The following MRTFB variants were observed in gnomAD, a reference collection of about 807,000 sequenced individuals.
MRTFB encodes the protein myocardin-related transcription factor B.
In MRTFB, 29 loss-of-function variants were observed where a neutral mutation model predicts 104.2. The ratio of observed to expected loss-of-function variants is 0.28; its 90% CI spans 0.21 to 0.38. The LOEUF (loss-of-function observed/expected upper bound fraction) is 0.38, where lower values mean the gene tolerates loss of function less well. MRTFB is among the 10% of genes least tolerant of loss of function. The probability of loss-of-function intolerance (pLI) is 1.00; values close to 1 mark genes in which losing one functional copy is unlikely to be tolerated. For missense variants in MRTFB, 1,270 were observed against 1,341.6 expected, an observed-to-expected ratio of 0.95 and a Z score of 0.83; for synonymous variants, 535 against 519.5, an observed-to-expected ratio of 1.03 and a Z score of -0.41.
chr16:14,127,921 ATATATATATTTTTTTTTTTT>A (rs1233101970), intron 2 of MRTFB, among the ~76,000 whole-genome samples: 1,068 of 39,860 alleles, frequency 0.027, 21 homozygotes, highest in African/African-American at 0.22. Flanking sequence ...ATATATATAT[ATATATATATTTTTTTTTTTT>A]TTTTTTTTTT....
chr16:14,015,903 T>G, the MRTFB span: 1 of 398,650 alleles, frequency 2.5e-6, no homozygotes, highest in South Asian at 1.3e-4. Flanking sequence ...TGCTTTTCTC[T>G]CCGGGTCTCC....
At chr16:14,016,078 CTGTT>C in the MRTFB span, 1 of 398,100 alleles carries the variant, frequency 2.5e-6, no homozygotes. Context: ...ACCCACTGCT[CTGTT>C]TGTAAGCTGG....
At chr16:14,219,025 A>G in intron 8 of MRTFB, 27 bp downstream of exon 8, 3 of 1,548,822 alleles carry the variant, frequency 1.9e-6, no homozygotes, top group African/African-American at 1.4e-5. Flanking sequence ...TTTGACCCCT[A>G]AAGAAAGAAA....
chr16:14,241,334 G>T (rs1005245817), intron 10 of MRTFB: 2 of 152,336 alleles, frequency 1.3e-5, no homozygotes, highest in Non-Finnish European at 2.9e-5. Flanking sequence ...TGTGGGGGAC[G>T]GAAGGGAGTG....
the MRTFB span, among the ~76,000 whole-genome samples, chr16:14,025,243 C>A: frequency 1.3e-5 from 2 of 152,180 alleles, no homozygotes; most frequent in African/African-American, 4.8e-5. Flanking sequence ...TGCCGTGGTG[C>A]AATCATGGCT....
the MRTFB span, among the ~76,000 whole-genome samples, chr16:14,013,706 C>T: frequency 6.6e-6 from 1 of 152,124 alleles, no homozygotes; most frequent in Non-Finnish European, 1.5e-5. Flanking sequence ...ACTATTAATA[C>T]AACATCTGCT....
intron 2 of MRTFB, among the ~76,000 whole-genome samples, chr16:14,095,780 A>G (rs947390079): frequency 2.6e-4 from 39 of 152,242 alleles, no homozygotes; most frequent in African/African-American, 8.7e-4. Context: ...CAAAAAAGAG[A>G]AGGTAAAATG....
At position 14,078,797 on chromosome 16, in the gene MRTFB, T is replaced by C. The variant is rs562943876; in HGVS notation, c.-128-493T>C. On this transcript the variant is annotated intron_variant, in intron 1 of 16. Transcript: ENST00000571589. ...GAGATGGTGAAAGGCAGATTTATTA[T>C]TATATAATAACATTATAATAAAATA... 5.7e-4 allele frequency among the ~76,000 whole-genome samples: 84 copies of C among 147,218 alleles called. No homozygotes were observed. In the South Asian group the frequency reaches 0.015, roughly 26 times the overall value.
intron 2 of MRTFB, among the ~76,000 whole-genome samples, chr16:14,101,127 GT>G (rs199837576): frequency 0.18 from 21,811 of 122,834 alleles, 2,938 homozygotes; most frequent in African/African-American, 0.46. Flanking sequence ...ATTATGTAGG[GT>G]TTTTTTTTTT....
At chr16:14,005,107 G>A in the MRTFB span, among the ~76,000 whole-genome samples, 1 of 152,244 alleles carries the variant, frequency 6.6e-6, no homozygotes, top group Non-Finnish European at 1.5e-5. Context: ...GGCCCCTGGG[G>A]GCTGGCACTG....
intron 3 of MRTFB, among the ~76,000 whole-genome samples, chr16:14,145,614 G>A (rs1464745281): frequency 1.3e-5 from 2 of 152,130 alleles, no homozygotes; most frequent in African/African-American, 4.8e-5. Flanking sequence ...TCAAAGTAAA[G>A]CAGCCATATT....
chr16:14,108,167 G>A (rs1347936727), intron 2 of MRTFB, among the ~76,000 whole-genome samples: 1 of 152,190 alleles, frequency 6.6e-6, no homozygotes, highest in African/African-American at 2.4e-5. Flanking sequence ...AAGAACTGCT[G>A]GGCCCGATGC....
At chr16:14,071,503 C>G (rs988487997) in intron 1 of MRTFB, 138 bp downstream of exon 1, 2 of 151,820 alleles carry the variant, frequency 1.3e-5, no homozygotes, top group African/African-American at 4.9e-5. Flanking sequence ...GCAGCAGCTG[C>G]GGCGCCGTTT....
chr16:14,157,683 G>C, intron 3 of MRTFB, among the ~76,000 whole-genome samples: 1 of 152,188 alleles, frequency 6.6e-6, no homozygotes, highest in Non-Finnish European at 1.5e-5. Context: ...ACAGCAGATA[G>C]ATGCAGCTCC....
chr16:14,141,114 C>A lies in MRTFB; in HGVS notation c.154+354C>A, dbSNP rs978101604. 1.5e-5 allele frequency: 3 copies of A among 198,182 alleles called. No individual in the cohort carries two copies. The Admixed American group carries it at 1.6e-4, about 11-fold the overall frequency. The allele number at this position is 198,182 out of a possible 1,614,324, so 12.3% of individuals were successfully genotyped here. ...TGGATATGACTGCATTCTCCTCCCACTTTCTCCATCTCCGGTGTGTTGCAC... is the reference window on the plus strand; with the variant it reads ...TGGATATGACTGCATTCTCCTCCCAATTTCTCCATCTCCGGTGTGTTGCAC... On this transcript the variant is annotated intron_variant, in intron 3 of 16. Transcript: ENST00000571589.
chr16:14,028,576 C>A, the MRTFB span, among the ~76,000 whole-genome samples: 2 of 152,222 alleles, frequency 1.3e-5, no homozygotes, highest in Non-Finnish European at 2.9e-5. Flanking sequence ...CCACACATCT[C>A]TCCTCTCCCA....
chr16:14,028,849 T>TCAGGGAATATGATCCTTTCA, the MRTFB span, among the ~76,000 whole-genome samples: 1 of 152,092 alleles, frequency 6.6e-6, no homozygotes, highest in Non-Finnish European at 1.5e-5. Flanking sequence ...TTGTTTGTGC[T>TCAGGGAATATGATCCTTTCA]CAGGGAATAT....
At chr16:14,080,920 G>T (rs2034359940) in intron 2 of MRTFB, among the ~76,000 whole-genome samples, 1 of 152,160 alleles carries the variant, frequency 6.6e-6, no homozygotes, top group Non-Finnish European at 1.5e-5. Context: ...TGGACACTTA[G>T]GTTGCTTCTG....
At chr16:14,007,818 G>A in the MRTFB span, among the ~76,000 whole-genome samples, 10 of 152,196 alleles carry the variant, frequency 6.6e-5, no homozygotes, top group African/African-American at 2.4e-4. Context: ...GCTTTTCCCT[G>A]ATGGCAAATG....
Sources: gnomAD v4.1 joint callset for allele counts (sites outside exome capture counted in the v4.1 genomes callset) on GRCh38, gnomAD v4.1.1 for gene constraint, MANE v1.5 for transcripts, NCBI Gene and HGNC (gene_info 2026-07-23, HGNC 2026-07-21) for gene names.